Variants in ADGRB3 observed in about 807,000 individuals in gnomAD.
ADGRB3 encodes the protein adhesion G protein-coupled receptor B3.
ADGRB3 carries 37 observed loss-of-function variants against 193.4 expected under a neutral mutation model. The ratio of observed to expected loss-of-function variants is 0.19; its 90% confidence interval spans 0.15 to 0.25. The LOEUF is 0.25. ADGRB3 is among the 10% of genes least tolerant of loss of function. The pLI, the probability that ADGRB3 is intolerant of heterozygous loss-of-function variation, is 1.00. For synonymous variants in ADGRB3, 690 were observed against 644.2 expected, an observed-to-expected ratio of 1.07 and a Z score of -1.08; for missense variants, 1,637 against 1,852.9, an observed-to-expected ratio of 0.88 and a Z score of 2.14.
At chr6:68,892,399 T>C (rs968138770) in intron 3 of ADGRB3, among the ~76,000 whole-genome samples, 2 of 152,200 alleles carry the variant, frequency 1.3e-5, no homozygotes, top group African/African-American at 4.8e-5. Context: ...GTTCTTGTTC[T>C]TGCTTTTCAT....
At chr6:69,072,916 TA>T (rs1772117575) in intron 16 of ADGRB3, among the ~76,000 whole-genome samples, 1 of 152,216 alleles carries the variant, frequency 6.6e-6, no homozygotes, top group Non-Finnish European at 1.5e-5. Flanking sequence ...TCTTATAAGA[TA>T]GAGAAGAAAC....
intron 15 of ADGRB3, among the ~76,000 whole-genome samples, chr6:69,057,664 G>A (rs1467115930): frequency 1.3e-5 from 2 of 151,934 alleles, no homozygotes; most frequent in African/African-American, 4.8e-5. Flanking sequence ...TTTGTCACAT[G>A]CTTTTTAAAA....
chr6:69,372,982 A>G (rs547805109), intron 30 of ADGRB3, among the ~76,000 whole-genome samples: 3 of 152,074 alleles, frequency 2.0e-5, no homozygotes, highest in Admixed American at 1.3e-4. Flanking sequence ...GCCTTTTCAC[A>G]GATACAAACA....
intron 13 of ADGRB3, among the ~76,000 whole-genome samples, chr6:69,040,922 T>A (rs571770429): frequency 3.3e-5 from 5 of 152,168 alleles, no homozygotes; most frequent in Non-Finnish European, 7.3e-5. Flanking sequence ...TATCAAAGAA[T>A]CTTTCTCTTT....
chr6:68,636,453 TA>T (rs1767955550), intron 1 of ADGRB3, among the ~76,000 whole-genome samples: 1 of 150,482 alleles, frequency 6.6e-6, no homozygotes, highest in African/African-American at 2.4e-5. Context: ...GATAAATAAA[TA>T]AATAAATAAA....
At chr6:68,761,260 A>T (rs1208227410) in intron 3 of ADGRB3, among the ~76,000 whole-genome samples, 1 of 152,240 alleles carries the variant, frequency 6.6e-6, no homozygotes, top group Non-Finnish European at 1.5e-5. Flanking sequence ...GATAGTATGT[A>T]GACAGTGCCC....
chr6:69,208,125 C>T (rs112805972), intron 17 of ADGRB3, among the ~76,000 whole-genome samples: 1 of 152,176 alleles, frequency 6.6e-6, no homozygotes, highest in African/African-American at 2.4e-5. Context: ...GCGTAACCTC[C>T]ATTCCTGCCA....
At chr6:68,929,835 C>T (rs1052936201) in intron 3 of ADGRB3, among the ~76,000 whole-genome samples, 1 of 151,962 alleles carries the variant, frequency 6.6e-6, no homozygotes, top group South Asian at 2.1e-4. Flanking sequence ...TAGTACCAGA[C>T]ATTTTTTTTC....
intron 20 of ADGRB3, among the ~76,000 whole-genome samples, chr6:69,279,265 A>G (rs955773182): frequency 2.6e-5 from 4 of 151,842 alleles, no homozygotes; most frequent in African/African-American, 9.7e-5. Context: ...GAACACTTAC[A>G]TTAGTCTACA....
chr6:68,697,772 T>C (rs887515461), intron 3 of ADGRB3, among the ~76,000 whole-genome samples: 10 of 151,974 alleles, frequency 6.6e-5, no homozygotes, highest in African/African-American at 9.7e-5. Flanking sequence ...TTGCCCTGTT[T>C]ACCAGATATA....
intron 17 of ADGRB3, among the ~76,000 whole-genome samples, chr6:69,215,681 G>C (rs1303164845): frequency 1.3e-5 from 2 of 151,846 alleles, no homozygotes; most frequent in Non-Finnish European, 2.9e-5. Flanking sequence ...CAAAGACTTC[G>C]GGGACAGGTT....
intron 3 of ADGRB3, among the ~76,000 whole-genome samples, chr6:68,796,013 T>G (rs1767200085): frequency 6.6e-6 from 1 of 152,084 alleles, no homozygotes; most frequent in South Asian, 2.1e-4. Context: ...GCAAAATAAA[T>G]GATAACCCTG....
At chr6:68,820,029 C>G (rs1767719678) in intron 3 of ADGRB3, among the ~76,000 whole-genome samples, 2 of 152,014 alleles carry the variant, frequency 1.3e-5, no homozygotes, top group South Asian at 2.1e-4. Flanking sequence ...AATATTCGTA[C>G]TGATTGTATT....
intron 17 of ADGRB3, among the ~76,000 whole-genome samples, chr6:69,161,918 A>G (rs1040784026): frequency 1.6e-4 from 24 of 152,128 alleles, no homozygotes; most frequent in African/African-American, 5.8e-4. Context: ...AGTCAGAGAT[A>G]GCCCCCAAAG....
chr6:69,000,307 A>G (rs186139800), intron 11 of ADGRB3, among the ~76,000 whole-genome samples: 2 of 152,370 alleles, frequency 1.3e-5, no homozygotes, highest in East Asian at 3.9e-4. Flanking sequence ...AAAGGGAAAT[A>G]CAGGATTAGG....
At chr6:69,049,409 C>A in intron 15 of ADGRB3, 63 bp downstream of exon 15, 1 of 1,208,962 alleles carries the variant, frequency 8.3e-7, no homozygotes, top group Non-Finnish European at 1.2e-6. Flanking sequence ...GATTATAGCT[C>A]ATTCTATAAA....
chr6:68,758,771 C>T (rs1766342915), intron 3 of ADGRB3, among the ~76,000 whole-genome samples: 1 of 152,084 alleles, frequency 6.6e-6, no homozygotes, highest in African/African-American at 2.4e-5. Flanking sequence ...CTTTTTATAG[C>T]ATATGGCATT....
rs183766914 is a variant in ADGRB3, at chr6:68,873,368, C to T, written c.758-57191C>T. ...TCCTGTGAGATTGCAGTTTGGATTA[C>T]GGCCATATTTCATGTATTTTTCTCC... On this transcript the variant is annotated intron_variant, in intron 3 of 31. Coordinates refer to ENST00000370598, the MANE Select transcript of ADGRB3 (RefSeq NM_001704.3). 2.2e-3 allele frequency among the ~76,000 whole-genome samples: 341 copies of T among 152,190 alleles called. 4 individuals are homozygous for T. Among genetic ancestry groups the T allele is most frequent in the African/African-American group, 7.6e-3 (315 of 41,548 alleles).
intron 17 of ADGRB3, among the ~76,000 whole-genome samples, chr6:69,090,283 C>T (rs528560586): frequency 1.3e-5 from 2 of 152,258 alleles, no homozygotes; most frequent in Non-Finnish European, 2.9e-5. Context: ...TCTCTGGGAC[C>T]TTGTCTGTTG....
Sources: allele counts gnomAD v4.1 joint callset (sites outside exome capture counted in the v4.1 genomes callset), GRCh38; gene constraint gnomAD v4.1.1; transcripts MANE v1.5; gene names NCBI Gene and HGNC (gene_info 2026-07-23, HGNC 2026-07-21).